Variants in SRPRB observed in about 807,000 individuals in gnomAD.
The protein encoded by SRPRB is SRP receptor subunit beta.
SRPRB carries 20 observed loss-of-function variants against 31.9 expected under a neutral mutation model. That is an observed-to-expected ratio of 0.63 (90% CI 0.44 to 0.91). The LOEUF (loss-of-function observed/expected upper bound fraction) is 0.91, where lower values mean the gene tolerates loss of function less well. SRPRB is among the 40% of genes least tolerant of loss of function. SRPRB has a pLI of 0.00. For synonymous variants in SRPRB, 146 were observed against 132.8 expected, an observed-to-expected ratio of 1.10 and a Z score of -0.68; for missense variants, 321 against 324.9, an observed-to-expected ratio of 0.99 and a Z score of 0.09.
intron 4 of SRPRB, among the ~76,000 whole-genome samples, chr3:133,813,694 G>A (rs1382761874): frequency 6.6e-6 from 1 of 152,166 alleles, no homozygotes; most frequent in Non-Finnish European, 1.5e-5. Context: ...TGGGGTACCA[G>A]TTATTCTCCC....
At chr3:133,816,547 A>C (rs1292230292) in intron 5 of SRPRB, among the ~76,000 whole-genome samples, 1 of 152,232 alleles carries the variant, frequency 6.6e-6, no homozygotes, top group Non-Finnish European at 1.5e-5. Flanking sequence ...CACTTCTCAT[A>C]ATCACAGCAC....
downstream of SRPRB, among the ~76,000 whole-genome samples, chr3:133,821,647 G>T (rs1370484412): frequency 1.3e-5 from 2 of 152,198 alleles, no homozygotes; most frequent in African/African-American, 4.8e-5. Context: ...ATTCTATCTG[G>T]AACACTGGTC....
chr3:133,813,208 T>C (rs1390579268), intron 4 of SRPRB, among the ~76,000 whole-genome samples: 1 of 152,224 alleles, frequency 6.6e-6, no homozygotes. Flanking sequence ...TGTTCAAGGA[T>C]GGATTTAGCT....
intron 1 of SRPRB, 55 bp downstream of exon 1, chr3:133,806,057 T>C: frequency 6.3e-7 from 1 of 1,582,230 alleles, no homozygotes; most frequent in Non-Finnish European, 8.6e-7. Context: ...GTCCGGGCTT[T>C]GGCTGCACCG....
chr3:133,805,931 A>G lies in SRPRB; in HGVS notation c.83A>G (p.Gln28Arg), dbSNP rs1370939686. 1.2e-6 allele frequency: 2 copies of G among 1,613,942 alleles called. No homozygotes were observed. Among genetic ancestry groups the G allele is most frequent in the East Asian group, 2.2e-5 (1 of 44,884 alleles). ...TFQPYLDTLR[Q>R]ELQQTDPTLL... ...CAGCCCTACCTAGACACCTTGCGGC[A>G]GGAGCTGCAGCAGACGGACCCAACG... Residue 28 changes from glutamine to arginine, a missense_variant, in exon 1 of 7, where the codon CAG becomes CGG. Transcript: ENST00000678299.
chr3:133,816,690 T>C (rs1212213184), intron 5 of SRPRB, among the ~76,000 whole-genome samples, 188 bp from the exon 6 acceptor site: 1 of 152,220 alleles, frequency 6.6e-6, no homozygotes, highest in Non-Finnish European at 1.5e-5. Flanking sequence ...ATAAGCATTA[T>C]CTTGGGAAAG....
At chr3:133,827,352 A>T (rs1935580976), downstream of SRPRB, 1 of 152,440 alleles carries the variant, frequency 6.6e-6, no homozygotes. Context: ...CTCACTGCCC[A>T]TTGCACCTGG....
downstream of SRPRB, chr3:133,821,634 A>G (rs149575911): frequency 3.3e-4 from 50 of 152,334 alleles, 1 homozygote; most frequent in African/African-American, 1.1e-3. Context: ...CCAAAAAAGG[A>G]TAATTCTATC....
chr3:133,810,510 C>A (rs1204672427), intron 3 of SRPRB: 1 of 152,072 alleles, frequency 6.6e-6, no homozygotes, highest in Non-Finnish European at 1.5e-5. Context: ...TAGATTTGCT[C>A]AGTAGGGGCT....
chr3:133,825,535 T>C (rs1335926386), downstream of SRPRB: 1 of 152,230 alleles, frequency 6.6e-6, no homozygotes, highest in African/African-American at 2.4e-5. Flanking sequence ...CCAAGCCAAC[T>C]AGCCTTGGAT....
downstream of SRPRB, chr3:133,828,075 T>A: frequency 4.4e-6 from 3 of 676,904 alleles, no homozygotes; most frequent in Non-Finnish European, 8.1e-6. Context: ...TTCAAGGCTT[T>A]TCAGGGAAAG....
chr3:133,811,217 G>A lies in SRPRB; in HGVS notation c.410+18G>A. 4 of 1,612,766 alleles carry A rather than the reference G, an allele frequency of 2.5e-6. No individual in the cohort carries two copies. Among genetic ancestry groups the A allele is most frequent in the Non-Finnish European group, 3.4e-6 (4 of 1,178,774 alleles). ...TCAGCCAGGTAAGAAGGAAAGAAGT[G>A]AAGTGGGCTTGTCTAGGTCTGTATC... On this transcript the variant is annotated intron_variant, in intron 4 of 6. Coordinates refer to ENST00000678299, the MANE Select transcript of SRPRB (RefSeq NM_001379313.1).
At chr3:133,822,093 A>T (rs1354500040), downstream of SRPRB, among the ~76,000 whole-genome samples, 1 of 152,070 alleles carries the variant, frequency 6.6e-6, no homozygotes, top group Non-Finnish European at 1.5e-5. Flanking sequence ...AGGGCATTTG[A>T]CTAAAGTAGG....
rs1438311413 is a variant in SRPRB, at chr3:133,821,471, C to T, written c.*1705C>T. ...AGCTCATGGGAATAAAAGTCAGTGG[C>T]TTGATGCTTCTGTTAGAGGCATGTG... On this transcript the variant is annotated 3_prime_UTR_variant, in exon 7 of 7. Coordinates refer to ENST00000678299, the MANE Select transcript of SRPRB (RefSeq NM_001379313.1). 1 of 152,150 alleles carries T rather than the reference C, an allele frequency of 6.6e-6. No homozygotes were observed. Among genetic ancestry groups the T allele is most frequent in the Admixed American group, 6.5e-5 (1 of 15,276 alleles). 9.4% of individuals were successfully genotyped at this position (152,150 alleles called of 1,614,324 possible).
downstream of SRPRB, chr3:133,824,396 G>C (rs1399124701): frequency 6.6e-6 from 1 of 152,220 alleles, no homozygotes; most frequent in Non-Finnish European, 1.5e-5. Flanking sequence ...TCACTTTAAA[G>C]GGATGGGTGA....
At chr3:133,824,158 CTG>C (rs1457183005), downstream of SRPRB, 3 of 152,268 alleles carry the variant, frequency 2.0e-5, no homozygotes, top group Non-Finnish European at 4.4e-5. Context: ...AAAAGGGACT[CTG>C]TGGAGCACAC....
In SRPRB at chr3:133,811,170, G is replaced by A; in HGVS notation, c.381G>A (p.Gln127=). The part of the protein sequence containing the change: ...DLPGHESLRL[Q]FLERFKSSAR... ...CCGGCCATGAGAGTTTGAGGCTTCAGTTCTTAGAGCGGTTTAAGTCTTCAG... is the reference window on the plus strand; with the variant it reads ...CCGGCCATGAGAGTTTGAGGCTTCAATTCTTAGAGCGGTTTAAGTCTTCAG... Residue 127 remains glutamine, a synonymous_variant, in exon 4 of 7, where the codon CAG becomes CAA. Transcript: ENST00000678299. 1.2e-6 allele frequency: 2 copies of A among 1,614,200 alleles called. No homozygotes were observed. Among genetic ancestry groups the A allele is most frequent in the Non-Finnish European group, 1.7e-6 (2 of 1,180,034 alleles).
At chr3:133,787,823 T>C (rs1046968936) in intron 1 of SRPRB, 4 of 152,256 alleles carry the variant, frequency 2.6e-5, no homozygotes, top group Admixed American at 2.6e-4. Context: ...ATCCACTCTC[T>C]AGATACTAAA....
downstream of SRPRB, chr3:133,827,731 G>A (rs1405053731): frequency 3.4e-6 from 2 of 590,062 alleles, no homozygotes; most frequent in Non-Finnish European, 6.1e-6. Context: ...TCAAGGTGGT[G>A]GTTCTGCAGA....
Sources: gnomAD v4.1 joint callset for allele counts (sites outside exome capture counted in the v4.1 genomes callset) on GRCh38, gnomAD v4.1.1 for gene constraint, MANE v1.5 for transcripts, NCBI Gene and HGNC (gene_info 2026-07-23, HGNC 2026-07-21) for gene names.